Variants in SNX13 observed in about 807,000 individuals in gnomAD.
SNX13 encodes the protein sorting nexin 13.
In SNX13, 45 loss-of-function variants were observed where a neutral mutation model predicts 133.6. That is an observed-to-expected ratio of 0.34 (90% CI 0.27 to 0.43). The LOEUF is 0.43. Among genes scored for constraint, SNX13 ranks in the 20% least tolerant of loss-of-function variants. The pLI is 1.00. For synonymous variants in SNX13, 414 were observed against 373.9 expected (o/e 1.11, Z -1.24); for missense variants, 1,032 against 1,145.1 (o/e 0.90, Z 1.43).
At chr7:17,822,827 T>C (rs1787449928) in intron 17 of SNX13, among the ~76,000 whole-genome samples, 1 of 152,230 alleles carries the variant, frequency 6.6e-6, no homozygotes, top group South Asian at 2.1e-4. Flanking sequence ...ACTAACTCTC[T>C]GGCTTGAGAT....
At position 17,794,713 on chromosome 7, in the gene SNX13, T is replaced by C. The variant is rs117121536; in HGVS notation, c.2627-421A>G. 6.6e-3 allele frequency: 1,012 copies of C among 153,784 alleles called. 7 individuals are homozygous for C. Among genetic ancestry groups the C allele is most frequent in the South Asian group, 0.018 (88 of 4,886 alleles). 9.5% of individuals were successfully genotyped at this position (153,784 alleles called of 1,614,324 possible). A position where few individuals can be genotyped will look rare whatever the true frequency, so the allele number is the denominator to read the frequency against. On this transcript the variant is annotated intron_variant, in intron 25 of 25. Coordinates refer to ENST00000428135, the MANE Select transcript of SNX13 (RefSeq NM_015132.5). ...TAATGTAAAAAGTGATCTGTAAACT[T>C]TGTAATATTATACAAATATTCTTAG...
At chr7:17,932,817 A>C (rs1180229432) in intron 1 of SNX13, among the ~76,000 whole-genome samples, 1 of 152,186 alleles carries the variant, frequency 6.6e-6, no homozygotes, top group Non-Finnish European at 1.5e-5. Flanking sequence ...GTTATCTTTT[A>C]ATTATATTCT....
intron 17 of SNX13, among the ~76,000 whole-genome samples, chr7:17,823,280 T>A (rs1787510150): frequency 6.6e-6 from 1 of 152,182 alleles, no homozygotes; most frequent in Admixed American, 6.5e-5. Flanking sequence ...GCATGATATC[T>A]CATAGCAGTT....
intron 18 of SNX13, among the ~76,000 whole-genome samples, chr7:17,819,516 C>A (rs138553082): frequency 1.3e-5 from 2 of 152,176 alleles, no homozygotes; most frequent in Admixed American, 1.3e-4. Flanking sequence ...CGTGAGGCAC[C>A]GCGCTTGGCA....
rs376111932 is a variant in SNX13, at chr7:17,920,203, G to A, written c.12+20081C>T. On this transcript the variant is annotated intron_variant, in intron 1 of 25. Transcript: ENST00000428135. ...AAGCTTTAATCATGATATCTATTTC[G>A]CTTAGTAAAAGCACATGGGTTTTAA... is the stretch of plus-strand genomic sequence containing the variant. Among the ~76,000 whole-genome samples, 18 of 152,068 alleles carry A rather than the reference G, an allele frequency of 1.2e-4. No individual in the cohort carries two copies. In the South Asian group the frequency reaches 2.7e-3, roughly 23 times the overall value.
chr7:17,871,588 A>G (rs765773387), intron 8 of SNX13, among the ~76,000 whole-genome samples: 3 of 152,128 alleles, frequency 2.0e-5, no homozygotes, highest in Non-Finnish European at 2.9e-5. Flanking sequence ...GTGTCTGAAC[A>G]TCCCATCCTG....
At chr7:17,809,662 C>G (rs1184056483) in intron 20 of SNX13, among the ~76,000 whole-genome samples, 1 of 152,168 alleles carries the variant, frequency 6.6e-6, no homozygotes, top group African/African-American at 2.4e-5. Flanking sequence ...GTCAACAGAA[C>G]ATACATTCTT....
chr7:17,888,812 A>C lies in SNX13; in HGVS notation c.440+1551T>G, dbSNP rs548265416. 1.5e-4 allele frequency: 68 copies of C among 454,898 alleles called. 3 individuals carry two copies. The highest frequency in any genetic ancestry group is 1.1e-3 in the South Asian group (68 of 62,102). 28.2% of individuals were successfully genotyped at this position (454,898 alleles called of 1,614,324 possible). A position where few individuals can be genotyped will look rare whatever the true frequency, so the allele number is the denominator to read the frequency against. ...TCCTGAGAGGAACACAGAACAGGGCAGTTATTATTACACTTATTTTACATA... is the reference window on the plus strand; with the variant it reads ...TCCTGAGAGGAACACAGAACAGGGCCGTTATTATTACACTTATTTTACATA... On this transcript the variant is annotated intron_variant, in intron 5 of 25. Transcript: ENST00000428135.
At chr7:17,821,436 G>T (rs1171731184) in intron 18 of SNX13, 73 bp downstream of exon 18, 3 of 1,372,332 alleles carry the variant, frequency 2.2e-6, no homozygotes, top group African/African-American at 1.5e-5. Context: ...CTCTATCTGG[G>T]CATCCTCAGA....
intron 18 of SNX13, among the ~76,000 whole-genome samples, chr7:17,818,310 A>G (rs1786903008): frequency 6.6e-6 from 1 of 152,212 alleles, no homozygotes; most frequent in South Asian, 2.1e-4. Flanking sequence ...CATTAAAACA[A>G]CAATTTATTT....
intron 1 of SNX13, among the ~76,000 whole-genome samples, chr7:17,935,740 T>A (rs1217148715): frequency 6.6e-6 from 1 of 152,328 alleles, no homozygotes; most frequent in Non-Finnish European, 1.5e-5. Flanking sequence ...GATACTGATG[T>A]CCTTCCACTC....
intron 9 of SNX13, among the ~76,000 whole-genome samples, chr7:17,859,937 C>A (rs1047446585): frequency 2.0e-5 from 3 of 152,098 alleles, no homozygotes; most frequent in African/African-American, 7.2e-5. Context: ...CACCTCTTGG[C>A]TACTGTGAAT....
intron 1 of SNX13, among the ~76,000 whole-genome samples, chr7:17,938,761 A>G (rs1802407234): frequency 6.6e-6 from 1 of 152,366 alleles, no homozygotes; most frequent in East Asian, 1.9e-4. Flanking sequence ...ACATGTTAAC[A>G]TAAGCTAAGT....
chr7:17,891,312 A>G (rs1239145731), intron 4 of SNX13, among the ~76,000 whole-genome samples: 1 of 152,056 alleles, frequency 6.6e-6, no homozygotes, highest in Non-Finnish European at 1.5e-5. Context: ...TCAAATGTCA[A>G]TAACAACTTT....
At chr7:17,831,045 T>G (rs12533411) in intron 15 of SNX13, 1 of 984,084 alleles carries the variant, frequency 1.0e-6, no homozygotes, top group Non-Finnish European at 1.2e-6. Flanking sequence ...TAGTTATCTA[T>G]CCTCCTTATT....
chr7:17,850,799 A>G (rs1456884178), intron 10 of SNX13, 27 bp downstream of exon 10: 5 of 1,478,638 alleles, frequency 3.4e-6, no homozygotes, highest in East Asian at 4.8e-5. Flanking sequence ...TCAAAAAAAT[A>G]TATCTTAAAT....
intron 24 of SNX13, among the ~76,000 whole-genome samples, chr7:17,797,816 C>G (rs1562644815): frequency 6.6e-6 from 1 of 151,766 alleles, no homozygotes; most frequent in Non-Finnish European, 1.5e-5. Flanking sequence ...GTTTTGGAAA[C>G]AGTATGGTAC....
At chr7:17,938,266 A>G (rs138755964) in intron 1 of SNX13, among the ~76,000 whole-genome samples, 1 of 152,348 alleles carries the variant, frequency 6.6e-6, no homozygotes, top group East Asian at 1.9e-4. Flanking sequence ...ATGTTTTAAA[A>G]TCTATCAAGA....
In SNX13 at chr7:17,917,143, T is replaced by C. The variant is rs560613711; in HGVS notation, c.13-19697A>G. ...CTTCAAGATAAAACCCTTCACAAAC[T>C]AGGCATCAAAGGATCATACCTCAAA... is the stretch of plus-strand genomic sequence containing the variant. On this transcript the variant is annotated intron_variant, in intron 1 of 25. Transcript: ENST00000428135. 3.6e-4 allele frequency among the ~76,000 whole-genome samples: 55 copies of C among 152,190 alleles called. 2 individuals are homozygous for C. In the South Asian group the frequency reaches 0.011, roughly 29 times the overall value.
Sources: allele counts gnomAD v4.1 joint callset (sites outside exome capture counted in the v4.1 genomes callset), GRCh38; gene constraint gnomAD v4.1.1; transcripts MANE v1.5; gene names NCBI Gene and HGNC (gene_info 2026-07-23, HGNC 2026-07-21).